PAG1: variants seen among roughly 807,000 people sequenced by gnomAD.
PAG1 encodes the protein phosphoprotein associated with glycosphingolipid-enriched microdomains 1.
In PAG1, 23 loss-of-function variants were observed where a neutral mutation model predicts 31.7. The observed-to-expected ratio is 0.73, with a 90% CI of 0.52 to 1.03. The LOEUF (loss-of-function observed/expected upper bound fraction) is 1.03, where lower values mean the gene tolerates loss of function less well. PAG1 is among the 50% of genes least tolerant of loss of function. PAG1 has a pLI of 0.00. For missense variants in PAG1, 473 were observed against 540.7 expected, an observed-to-expected ratio of 0.87 and a Z score of 1.24; for synonymous variants, 214 against 210.3, an observed-to-expected ratio of 1.02 and a Z score of -0.15.
At chr8:81,029,290 C>T (rs569284954) in intron 3 of PAG1, among the ~76,000 whole-genome samples, 8 of 152,056 alleles carry the variant, frequency 5.3e-5, no homozygotes, top group Non-Finnish European at 1.0e-4. Context: ...ACAAAGAAAG[C>T]GCCTAGAGTT....
chr8:80,984,825 C>T lies in PAG1; in HGVS notation c.827G>A (p.Gly276Glu). 6.2e-7 allele frequency: 1 copy of T among 1,614,150 alleles called. No individual in the cohort carries two copies. The highest frequency in any genetic ancestry group is 8.5e-7 in the Non-Finnish European group (1 of 1,179,996). Residue 276 changes from glycine to glutamate, a missense_variant, in exon 7 of 9, where the codon GGG becomes GAG. Coordinates refer to ENST00000220597, the MANE Select transcript of PAG1 (RefSeq NM_018440.4). ...DENENLQEKE[G>E]GEAEESATDT... ...TGTGGCACTCTCTTCCGCCTCTCCC[C>T]CTTCCTTCTCCTGAAGGTTTTCATT...
At chr8:81,109,672 A>T (rs1809744676) in intron 1 of PAG1, among the ~76,000 whole-genome samples, 1 of 152,192 alleles carries the variant, frequency 6.6e-6, no homozygotes, top group East Asian at 1.9e-4. Context: ...AACAATGAAA[A>T]TTTTTCCCAG....
Position 81,107,000 on chromosome 8 carries a change from A to AT in PAG1, c.-234+4590dup, listed in dbSNP as rs1183642778. On this transcript the variant is annotated intron_variant, in intron 1 of 8. Coordinates refer to ENST00000220597, the MANE Select transcript of PAG1 (RefSeq NM_018440.4). ...TACTTCTTTAGATTTAAATAAACTT[A>AT]TTTTTCTTTTAAATCACCCAAGAAA... is the stretch of plus-strand genomic sequence containing the variant. Among the ~76,000 whole-genome samples the AT allele has an allele frequency of 1.3e-4, 19 of 151,412 alleles. No individual in the cohort carries two copies. In the South Asian group the frequency reaches 1.7e-3, roughly 13 times the overall value.
chr8:80,986,152 C>G (rs769204777), intron 6 of PAG1, among the ~76,000 whole-genome samples: 1 of 152,146 alleles, frequency 6.6e-6, no homozygotes, highest in African/African-American at 2.4e-5. Flanking sequence ...CAAGTTATTC[C>G]ATTAGTGTCT....
At chr8:81,013,538 A>ACCCT (rs1808020864) in intron 3 of PAG1, among the ~76,000 whole-genome samples, 1 of 152,016 alleles carries the variant, frequency 6.6e-6, no homozygotes, top group Non-Finnish European at 1.5e-5. Context: ...CCTGTTTACC[A>ACCCT]CCCTCTCTGT....
chr8:81,046,411 ACTC>A (rs1232614153), intron 2 of PAG1, among the ~76,000 whole-genome samples: 4 of 151,924 alleles, frequency 2.6e-5, no homozygotes, highest in Admixed American at 2.0e-4. Context: ...GAAATTTCAA[ACTC>A]CTCAATGATA....
At chr8:81,070,731 T>G (rs931765698) in intron 1 of PAG1, among the ~76,000 whole-genome samples, 5 of 152,218 alleles carry the variant, frequency 3.3e-5, no homozygotes, top group African/African-American at 1.2e-4. Context: ...TTTAATGTCT[T>G]CATCTTTAAA....
intron 1 of PAG1, among the ~76,000 whole-genome samples, chr8:81,101,096 C>T (rs781597531): frequency 1.3e-5 from 2 of 152,128 alleles, no homozygotes; most frequent in African/African-American, 4.8e-5. Context: ...ATGGTGGTAG[C>T]GAAACCATTA....
At chr8:81,087,478 A>G (rs910326523) in intron 1 of PAG1, among the ~76,000 whole-genome samples, 7 of 152,334 alleles carry the variant, frequency 4.6e-5, no homozygotes, top group Admixed American at 1.3e-4. Flanking sequence ...AAATTCTTGC[A>G]TATTCTTTGC....
chr8:80,982,011 G>A (rs1237511750), intron 7 of PAG1, among the ~76,000 whole-genome samples: 2 of 151,842 alleles, frequency 1.3e-5, no homozygotes, highest in Non-Finnish European at 2.9e-5. Flanking sequence ...GACTACAGGT[G>A]CATACCACCA....
At chr8:80,991,330 C>A in intron 5 of PAG1, 149 bp downstream of exon 5, 1 of 676,222 alleles carries the variant, frequency 1.5e-6, no homozygotes, top group Non-Finnish European at 2.7e-6. Flanking sequence ...AGCACTACTG[C>A]ATCCATTTCA....
chr8:81,078,562 G>C (rs1809213788), intron 1 of PAG1, among the ~76,000 whole-genome samples: 1 of 152,010 alleles, frequency 6.6e-6, no homozygotes. Flanking sequence ...CATTGACAAG[G>C]GTCTCAAATG....
intron 3 of PAG1, among the ~76,000 whole-genome samples, chr8:81,008,552 T>C (rs903685862): frequency 6.7e-5 from 10 of 148,400 alleles, no homozygotes; most frequent in African/African-American, 2.2e-4. Context: ...CTACATATTA[T>C]ATACTAATAT....
chr8:80,991,955 G>A (rs1054899569), intron 4 of PAG1, among the ~76,000 whole-genome samples: 6 of 150,968 alleles, frequency 4.0e-5, no homozygotes, highest in Non-Finnish European at 7.4e-5. Context: ...TTTTTGGCAC[G>A]CCAGGAAGGG....
chr8:81,105,801 AC>A (rs1809684727), intron 1 of PAG1, among the ~76,000 whole-genome samples: 1 of 152,158 alleles, frequency 6.6e-6, no homozygotes, highest in South Asian at 2.1e-4. Context: ...TTATCTGATC[AC>A]CCTTCATTCC....
At chr8:81,026,250 AG>A (rs1429913384) in intron 3 of PAG1, among the ~76,000 whole-genome samples, 5 of 151,754 alleles carry the variant, frequency 3.3e-5, no homozygotes, top group Non-Finnish European at 5.9e-5. Context: ...CAGGAGGCTG[AG>A]GCACGAGAAT....
chr8:81,017,622 A>G (rs1808094013), intron 3 of PAG1, among the ~76,000 whole-genome samples: 1 of 152,204 alleles, frequency 6.6e-6, no homozygotes, highest in African/African-American at 2.4e-5. Context: ...CTTTTTGAAA[A>G]TAATCTTCTT....
At chr8:81,086,617 C>T (rs372103912) in intron 1 of PAG1, among the ~76,000 whole-genome samples, 4 of 152,040 alleles carry the variant, frequency 2.6e-5, no homozygotes, top group South Asian at 2.1e-4. Context: ...AAAATGCCTA[C>T]GTATTGATAA....
At chr8:81,079,326 T>C (rs184799732) in intron 1 of PAG1, among the ~76,000 whole-genome samples, 2 of 152,194 alleles carry the variant, frequency 1.3e-5, no homozygotes, top group East Asian at 3.9e-4. Flanking sequence ...ACTCCTCGAC[T>C]GGAAAAAAAC....
Sources: allele counts gnomAD v4.1 joint callset (sites outside exome capture counted in the v4.1 genomes callset), GRCh38; gene constraint gnomAD v4.1.1; transcripts MANE v1.5; gene names NCBI Gene and HGNC (gene_info 2026-07-23, HGNC 2026-07-21).